Variants in DLGAP2 observed in about 807,000 individuals in gnomAD.
The protein encoded by DLGAP2 is disks large-associated protein 2.
DLGAP2 carries 26 observed loss-of-function variants against 100.3 expected under a neutral mutation model. The ratio of observed to expected loss-of-function variants is 0.26; its 90% CI spans 0.19 to 0.36. The LOEUF is 0.36. Ranked by LOEUF, DLGAP2 falls within the 10% of genes least tolerant of loss-of-function variation. The pLI is 1.00. For missense variants in DLGAP2, 1,858 were observed against 1,453.2 expected (o/e 1.28, Z -4.53); for synonymous variants, 886 against 630.1 (o/e 1.41, Z -6.08).
At chr8:775,395 G>C (rs1320056627) in intron 1 of DLGAP2, among the ~76,000 whole-genome samples, 1 of 148,490 alleles carries the variant, frequency 6.7e-6, no homozygotes, top group Admixed American at 6.8e-5. Context: ...TGTTGAATAG[G>C]AGTGGTGAGA....
intron 3 of DLGAP2, among the ~76,000 whole-genome samples, chr8:1,391,397 C>G (rs1056325122): frequency 1.3e-5 from 2 of 152,136 alleles, no homozygotes; most frequent in African/African-American, 4.8e-5. Context: ...TGCAGAGGCA[C>G]GCGGCTTATC....
intron 4 of DLGAP2, among the ~76,000 whole-genome samples, chr8:1,524,446 A>C (rs552887758): frequency 6.6e-6 from 1 of 152,154 alleles, no homozygotes; most frequent in South Asian, 2.1e-4. Context: ...AGCCCTAACT[A>C]AGGAGCCCAG....
intron 1 of DLGAP2, among the ~76,000 whole-genome samples, chr8:790,118 G>C (rs560328941): frequency 6.6e-6 from 1 of 152,178 alleles, no homozygotes; most frequent in African/African-American, 2.4e-5. Context: ...AATTTGAGGA[G>C]AAAAGGTCAC....
At chr8:817,748 C>T (rs1490126488) in intron 1 of DLGAP2, among the ~76,000 whole-genome samples, 1 of 152,196 alleles carries the variant, frequency 6.6e-6, no homozygotes, top group Non-Finnish European at 1.5e-5. Context: ...TGGGTCCAGC[C>T]ACCCGGTGGA....
intron 2 of DLGAP2, among the ~76,000 whole-genome samples, chr8:1,082,692 T>G (rs994576960): frequency 6.6e-6 from 1 of 152,176 alleles, no homozygotes; most frequent in Non-Finnish European, 1.5e-5. Context: ...TCAGAGGTAT[T>G]CATCACACAG....
chr8:832,530 T>C (rs1167073736), intron 1 of DLGAP2, among the ~76,000 whole-genome samples: 2 of 152,208 alleles, frequency 1.3e-5, no homozygotes, highest in East Asian at 3.8e-4. Flanking sequence ...GATTGGTGAA[T>C]CCACTGTTGT....
At chr8:1,520,724 C>G (rs1446969958) in intron 4 of DLGAP2, among the ~76,000 whole-genome samples, 2 of 152,182 alleles carry the variant, frequency 1.3e-5, no homozygotes, top group Non-Finnish European at 2.9e-5. Flanking sequence ...CATTTTAGCA[C>G]TGAATAATAT....
chr8:1,513,111 C>T (rs1800231119), intron 4 of DLGAP2, among the ~76,000 whole-genome samples: 1 of 151,446 alleles, frequency 6.6e-6, no homozygotes, highest in African/African-American at 2.4e-5. Flanking sequence ...CGGGAGAGGC[C>T]ACAGGCCAGC....
chr8:1,069,418 C>T (rs757790826), intron 2 of DLGAP2, among the ~76,000 whole-genome samples: 5 of 152,172 alleles, frequency 3.3e-5, no homozygotes, highest in Non-Finnish European at 7.4e-5. Context: ...CCGCACACTC[C>T]TGTCCTCTCA....
At chr8:1,050,667 C>T (rs1040090831) in intron 2 of DLGAP2, among the ~76,000 whole-genome samples, 2 of 152,190 alleles carry the variant, frequency 1.3e-5, no homozygotes, top group East Asian at 1.9e-4. Flanking sequence ...AACCCAGTCT[C>T]CTCATCTTGA....
At position 1,427,909 on chromosome 8, in the gene DLGAP2, G is replaced by C. The variant is rs139344274; in HGVS notation, c.107-73457G>C. Among the ~76,000 whole-genome samples, 80 of 152,176 alleles carry C rather than the reference G, an allele frequency of 5.3e-4. 1 individual carries two copies. The highest frequency in any genetic ancestry group is 7.4e-5 in the Non-Finnish European group (5 of 68,006). On this transcript the variant is annotated intron_variant, in intron 3 of 14. Transcript: ENST00000637795. Reference sequence around the variant, plus strand: ...CCATAATTCATAACTTAACAGTGCCGCAATGAATATTGTAAAATACTTGGA... The same window carrying C: ...CCATAATTCATAACTTAACAGTGCCCCAATGAATATTGTAAAATACTTGGA...
At chr8:1,095,942 A>G (rs186810517) in intron 2 of DLGAP2, among the ~76,000 whole-genome samples, 4 of 152,338 alleles carry the variant, frequency 2.6e-5, no homozygotes, top group African/African-American at 9.6e-5. Flanking sequence ...TGACACCAAA[A>G]CTATCTAACA....
chr8:999,206 C>G (rs1207288051), intron 2 of DLGAP2, among the ~76,000 whole-genome samples: 1 of 151,894 alleles, frequency 6.6e-6, no homozygotes, highest in Non-Finnish European at 1.5e-5. Flanking sequence ...GAGATACTTT[C>G]TCCTCCCGTG....
intron 3 of DLGAP2, among the ~76,000 whole-genome samples, chr8:1,289,159 T>A (rs1164797155): frequency 2.0e-5 from 3 of 152,208 alleles, no homozygotes; most frequent in Non-Finnish European, 4.4e-5. Context: ...AGCCAATGTC[T>A]GCATTTAGCT....
chr8:1,299,635 T>G (rs1800282992), intron 3 of DLGAP2, among the ~76,000 whole-genome samples: 1 of 152,212 alleles, frequency 6.6e-6, no homozygotes. Context: ...CTTCTGATGT[T>G]GGCTGCAAAT....
At chr8:1,200,945 G>C (rs1797858539) in intron 2 of DLGAP2, among the ~76,000 whole-genome samples, 1 of 152,226 alleles carries the variant, frequency 6.6e-6, no homozygotes, top group Non-Finnish European at 1.5e-5. Context: ...CCAGGAGCGT[G>C]TTGTGCACGG....
Position 1,549,313 on chromosome 8 carries a change from G to T in DLGAP2, c.860G>T (p.Gly287Val). The T allele has an allele frequency of 1.9e-6, 3 of 1,612,758 alleles. No individual in the cohort carries two copies. The highest frequency in any genetic ancestry group is 2.5e-6 in the Non-Finnish European group (3 of 1,179,638). ...AAGAGCAAGGAGCGCAAGCCGGAGG[G>T]CAAGCCCCGGCCCGGCATGAGCAGC... ...RSKSKERKPEGKPRPGMSSWW... is the reference protein window; with the variant it reads ...RSKSKERKPEVKPRPGMSSWW... Residue 287 changes from glycine (G) to valine (V), a missense_variant, in exon 5 of 15, where the codon GGC (glycine) becomes GTC (valine). Transcript: ENST00000637795.
intron 12 of DLGAP2, among the ~76,000 whole-genome samples, chr8:1,682,640 A>C (rs949667633): frequency 1.1e-4 from 16 of 151,270 alleles, no homozygotes; most frequent in African/African-American, 3.9e-4. Context: ...GCACCTGGCT[A>C]ATTTTGTATT....
At position 1,467,650 on chromosome 8, in the gene DLGAP2, G is replaced by C. The variant is rs569479129; in HGVS notation, c.107-33716G>C. The stretch of plus-strand genomic sequence containing the variant: ...GACTGCCCTGCCCACCTTCCCATAA[G>C]CCTGCACATTTTAGCCCCCAGCACA... On this transcript the variant is annotated intron_variant, in intron 3 of 14. Transcript: ENST00000637795. Among the ~76,000 whole-genome samples the C allele has an allele frequency of 2.6e-4, 39 of 152,246 alleles. 1 individual carries two copies. The highest frequency in any genetic ancestry group is 8.4e-4 in the African/African-American group (35 of 41,560).
Sources: allele counts gnomAD v4.1 joint callset (sites outside exome capture counted in the v4.1 genomes callset), GRCh38; gene constraint gnomAD v4.1.1; transcripts MANE v1.5; gene names NCBI Gene and HGNC (gene_info 2026-07-23, HGNC 2026-07-21).